Variants in NCKAP5 observed in about 807,000 individuals in gnomAD.
NCKAP5 encodes the protein NCK associated protein 5.
NCKAP5 carries 92 observed loss-of-function variants against 167.0 expected under a neutral mutation model. The ratio of observed to expected loss-of-function variants is 0.55; its 90% CI spans 0.47 to 0.66. The LOEUF (loss-of-function observed/expected upper bound fraction) is 0.66. Among genes scored for constraint, NCKAP5 ranks in the 30% least tolerant of loss-of-function variants. The probability of loss-of-function intolerance (pLI) is 0.00; values close to 1 mark genes in which losing one functional copy is unlikely to be tolerated. For synonymous variants in NCKAP5, 891 were observed against 877.4 expected, an observed-to-expected ratio of 1.02 and a Z score of -0.27; for missense variants, 2,378 against 2,315.0, an observed-to-expected ratio of 1.03 and a Z score of -0.56.
chr2:133,274,154 A>G (rs2089634024), intron 4 of NCKAP5, among the ~76,000 whole-genome samples: 1 of 151,946 alleles, frequency 6.6e-6, no homozygotes. Context: ...ATGGAAGAGA[A>G]CCCAGAGGCA....
At chr2:133,498,628 A>T (rs28420171) in intron 3 of NCKAP5, among the ~76,000 whole-genome samples, 4,543 of 151,924 alleles carry the variant, frequency 0.03, 245 homozygotes, top group African/African-American at 0.1. Flanking sequence ...ATAAATATGT[A>T]CAACTTTTAT....
intron 4 of NCKAP5, among the ~76,000 whole-genome samples, chr2:133,299,562 C>T (rs528662246): frequency 6.6e-6 from 1 of 152,110 alleles, no homozygotes; most frequent in African/African-American, 2.4e-5. Flanking sequence ...GCCTGGCCAA[C>T]ATGGTGAAAC....
At chr2:132,868,584 G>T (rs1690543466) in intron 10 of NCKAP5, among the ~76,000 whole-genome samples, 1 of 152,088 alleles carries the variant, frequency 6.6e-6, no homozygotes, top group Non-Finnish European at 1.5e-5. Flanking sequence ...TTAGACTTTT[G>T]TTAATGCTGT....
intron 3 of NCKAP5, among the ~76,000 whole-genome samples, chr2:133,430,378 T>C (rs1690082476): frequency 6.6e-6 from 1 of 152,170 alleles, no homozygotes; most frequent in East Asian, 1.9e-4. Context: ...TTTAGTTTAA[T>C]TAAGTCTCAT....
chr2:133,190,325 A>C (rs192390639), intron 5 of NCKAP5, among the ~76,000 whole-genome samples: 2 of 152,344 alleles, frequency 1.3e-5, no homozygotes, highest in African/African-American at 4.8e-5. Flanking sequence ...GGAAGAATCA[A>C]TATCCTGAAA....
chr2:132,864,438 A>C (rs757500801), intron 10 of NCKAP5, among the ~76,000 whole-genome samples: 1 of 152,162 alleles, frequency 6.6e-6, no homozygotes, highest in African/African-American at 2.4e-5. Context: ...TATCAATTGG[A>C]AACAGAGACT....
intron 3 of NCKAP5, chr2:133,431,649 C>T (rs1690169487): frequency 6.6e-6 from 1 of 152,184 alleles, no homozygotes; most frequent in African/African-American, 2.4e-5. Context: ...GAGGAGTGGC[C>T]TTTTTGATGG....
intron 8 of NCKAP5, among the ~76,000 whole-genome samples, chr2:132,886,923 G>C (rs540006452): frequency 6.6e-6 from 1 of 151,978 alleles, no homozygotes; most frequent in East Asian, 1.9e-4. Flanking sequence ...TGCTGAACTG[G>C]GTAAATACAT....
intron 19 of NCKAP5, among the ~76,000 whole-genome samples, chr2:132,703,670 G>C (rs1042242680): frequency 6.6e-6 from 1 of 152,088 alleles, no homozygotes; most frequent in Admixed American, 6.5e-5. Context: ...CATGACCAAC[G>C]GACTGAATTA....
At position 133,531,062 on chromosome 2, in the gene NCKAP5, G is replaced by T. The variant is rs143220936; in HGVS notation, c.-61-13475C>A. Among the ~76,000 whole-genome samples the T allele has an allele frequency of 1.6e-3, 237 of 152,084 alleles. 1 individual carries two copies. Among genetic ancestry groups the T allele is most frequent in the African/African-American group, 5.3e-3 (221 of 41,486 alleles). ...CCAACTTATTGGGGTGGTATTTTGG[G>T]CAGCAACAGATAATTAATTTGGGTC... On this transcript the variant is annotated intron_variant, in intron 2 of 19. Coordinates refer to ENST00000409261, the MANE Select transcript of NCKAP5 (RefSeq NM_207363.3).
chr2:132,681,754 A>C (rs749668939), intron 19 of NCKAP5, among the ~76,000 whole-genome samples: 1 of 152,188 alleles, frequency 6.6e-6, no homozygotes, highest in Non-Finnish European at 1.5e-5. Flanking sequence ...AGCTAGGGAA[A>C]AACATTTTAT....
chr2:133,516,552 G>A (rs565857419), intron 3 of NCKAP5, among the ~76,000 whole-genome samples: 15 of 152,274 alleles, frequency 9.9e-5, no homozygotes, highest in South Asian at 2.1e-4. Flanking sequence ...AGCCTCAGCC[G>A]CTAAGAGGTA....
intron 8 of NCKAP5, among the ~76,000 whole-genome samples, chr2:132,887,938 T>C (rs1692385914): frequency 1.3e-5 from 2 of 152,194 alleles, no homozygotes; most frequent in Non-Finnish European, 2.9e-5. Context: ...TAAATTCTAC[T>C]AGTCTTCCTG....
chr2:132,674,170 G>A lies in NCKAP5; in HGVS notation c.5714-865C>T, dbSNP rs137982437. 7.0e-4 allele frequency among the ~76,000 whole-genome samples: 106 copies of A among 152,264 alleles called. 1 individual carries two copies. Among genetic ancestry groups the A allele is most frequent in the African/African-American group, 2.1e-3 (87 of 41,562 alleles). On this transcript the variant is annotated intron_variant, in intron 19 of 19. Coordinates refer to ENST00000409261, the MANE Select transcript of NCKAP5 (RefSeq NM_207363.3). Reference sequence around the variant, plus strand: ...TTCTCATCTTCTTTTCCTCTTTCCAGCAGAAATTCCATCCAAACACAGGAA... The same window carrying A: ...TTCTCATCTTCTTTTCCTCTTTCCAACAGAAATTCCATCCAAACACAGGAA...
chr2:133,274,470 C>A (rs2089647949), intron 4 of NCKAP5, among the ~76,000 whole-genome samples: 1 of 151,950 alleles, frequency 6.6e-6, no homozygotes. Context: ...CATTATCAAC[C>A]AAAATCTCAG....
At chr2:132,972,688 C>T (rs527898769) in intron 7 of NCKAP5, among the ~76,000 whole-genome samples, 9 of 152,060 alleles carry the variant, frequency 5.9e-5, no homozygotes, top group African/African-American at 1.7e-4. Flanking sequence ...GGTGAAACCC[C>T]GTCTCTACTA....
At position 133,567,701 on chromosome 2, in the gene NCKAP5, T is replaced by TGTGTGTG. The variant is rs879405003; in HGVS notation, c.-130+514_-130+515insCACACAC. 2.2e-3 allele frequency among the ~76,000 whole-genome samples: 154 copies of TGTGTGTG among 68,690 alleles called. 1 individual carries two copies. Among genetic ancestry groups the TGTGTGTG allele is most frequent in the Admixed American group, 7.1e-3 (50 of 7,092 alleles). The allele number at this position is 68,690 out of a possible 152,430, so 45.1% of individuals were successfully genotyped here. A position where few individuals can be genotyped will look rare whatever the true frequency, so the allele number is the denominator to read the frequency against. Reference sequence around the variant, plus strand: ...TGTGTGTGTGTGTGTGTGTGTGTGTTTGGGGAGAGAGTGTAGGTAGGAGGG... The same window carrying TGTGTGTG: ...TGTGTGTGTGTGTGTGTGTGTGTGTTGTGTGTGTGGGGAGAGAGTGTAGGTAGGAGGG... On this transcript the variant is annotated intron_variant, in intron 1 of 19. Transcript: ENST00000409261.
At chr2:133,336,955 A>G (rs929244247) in intron 3 of NCKAP5, among the ~76,000 whole-genome samples, 3 of 152,158 alleles carry the variant, frequency 2.0e-5, no homozygotes, top group Non-Finnish European at 4.4e-5. Context: ...TCATGATCCT[A>G]GGTGTCTCTT....
At chr2:132,906,221 G>C (rs1281551830) in intron 8 of NCKAP5, among the ~76,000 whole-genome samples, 1 of 152,122 alleles carries the variant, frequency 6.6e-6, no homozygotes, top group Non-Finnish European at 1.5e-5. Context: ...AGTTACTGGA[G>C]TAGCTAACAG....
Sources: gnomAD v4.1 joint callset for allele counts (sites outside exome capture counted in the v4.1 genomes callset) on GRCh38, gnomAD v4.1.1 for gene constraint, MANE v1.5 for transcripts, NCBI Gene and HGNC (gene_info 2026-07-23, HGNC 2026-07-21) for gene names.